IMMP2L: variants seen among roughly 807,000 people sequenced by gnomAD.
IMMP2L encodes inner mitochondrial membrane peptidase subunit 2, also known as mitochondrial inner membrane protease subunit 2.
In IMMP2L, 18 loss-of-function variants were observed where a neutral mutation model predicts 19.3. The observed-to-expected ratio is 0.93, with a 90% CI of 0.64 to 1.38. The LOEUF (loss-of-function observed/expected upper bound fraction) is 1.38, where lower values mean the gene tolerates loss of function less well. Ranked by LOEUF, IMMP2L falls within the 40% of genes most tolerant of loss-of-function variation. The pLI is 0.00. For synonymous variants in IMMP2L, 76 were observed against 73.0 expected (o/e 1.04, Z -0.21); for missense variants, 233 against 218.2 (o/e 1.07, Z -0.43).
chr7:111,222,645 A>T (rs1812643980), intron 3 of IMMP2L, among the ~76,000 whole-genome samples: 1 of 152,196 alleles, frequency 6.6e-6, no homozygotes, highest in East Asian at 1.9e-4. Flanking sequence ...ATTAAAATTT[A>T]CAATCGAACA....
intron 3 of IMMP2L, among the ~76,000 whole-genome samples, chr7:111,195,636 G>T (rs1450255304): frequency 6.6e-6 from 1 of 151,928 alleles, no homozygotes; most frequent in Non-Finnish European, 1.5e-5. Flanking sequence ...CTGTCTTCAG[G>T]ATGCTTTATA....
intron 3 of IMMP2L, among the ~76,000 whole-genome samples, chr7:111,377,233 C>G (rs1830751613): frequency 6.6e-6 from 1 of 151,556 alleles, no homozygotes. Flanking sequence ...CTTTCCTTTC[C>G]ATTTCATATG....
At chr7:111,518,037 C>A (rs915952249) in intron 2 of IMMP2L, among the ~76,000 whole-genome samples, 2 of 151,922 alleles carry the variant, frequency 1.3e-5, no homozygotes, top group Non-Finnish European at 2.9e-5. Context: ...TCATTAGAAA[C>A]TTTATTTTTT....
chr7:111,140,086 C>A (rs573759733), intron 3 of IMMP2L, among the ~76,000 whole-genome samples: 137 of 151,904 alleles, frequency 9.0e-4, no homozygotes, highest in African/African-American at 3.3e-3. Flanking sequence ...ATTAAGGAAA[C>A]CAACTAAAAA....
chr7:110,958,798 T>C (rs1356837598), intron 4 of IMMP2L, among the ~76,000 whole-genome samples: 1 of 151,978 alleles, frequency 6.6e-6, no homozygotes, highest in Non-Finnish European at 1.5e-5. Context: ...TCTCAGGTAA[T>C]TCAGACATGA....
intron 3 of IMMP2L, among the ~76,000 whole-genome samples, chr7:111,178,962 C>A (rs1201696778): frequency 6.6e-6 from 1 of 151,946 alleles, no homozygotes; most frequent in Non-Finnish European, 1.5e-5. Flanking sequence ...TGACTCCCTT[C>A]CAGGTTTTCA....
intron 5 of IMMP2L, among the ~76,000 whole-genome samples, chr7:110,831,657 C>A (rs540975318): frequency 6.6e-6 from 1 of 152,094 alleles, no homozygotes; most frequent in Non-Finnish European, 1.5e-5. Flanking sequence ...TGAGAGGTTA[C>A]AAATATTTCA....
At chr7:110,782,077 T>A (rs1465878231) in intron 5 of IMMP2L, among the ~76,000 whole-genome samples, 1 of 151,916 alleles carries the variant, frequency 6.6e-6, no homozygotes, top group Non-Finnish European at 1.5e-5. Flanking sequence ...GTCAGCCCAA[T>A]AAACACCTGG....
chr7:111,439,117 T>C (rs1837470900), intron 3 of IMMP2L, among the ~76,000 whole-genome samples: 1 of 151,890 alleles, frequency 6.6e-6, no homozygotes, highest in Non-Finnish European at 1.5e-5. Context: ...TTCTGTCTTA[T>C]ACCCCAGCAT....
At chr7:111,163,404 A>G (rs546917821) in intron 3 of IMMP2L, among the ~76,000 whole-genome samples, 1 of 152,206 alleles carries the variant, frequency 6.6e-6, no homozygotes, top group South Asian at 2.1e-4. Flanking sequence ...TCACTTCCCT[A>G]CTGCAACTAT....
At chr7:111,380,691 A>C (rs1831114432) in intron 3 of IMMP2L, among the ~76,000 whole-genome samples, 1 of 152,036 alleles carries the variant, frequency 6.6e-6, no homozygotes, top group Non-Finnish European at 1.5e-5. Flanking sequence ...TTTCACAATA[A>C]ATAGTCACAG....
At chr7:110,706,922 G>C (rs971887281) in intron 5 of IMMP2L, among the ~76,000 whole-genome samples, 3 of 151,336 alleles carry the variant, frequency 2.0e-5, no homozygotes, top group African/African-American at 7.3e-5. Context: ...CTTTCCCAAG[G>C]TTGATACCCA....
rs1220848847 is a variant in IMMP2L, at chr7:111,005,712, T to C, written c.240-42147A>G. ...TAATTGAACAGTTACTGAAAGAATCTGATTCCTTTTATGAGGTTTTGATTT... is the reference window on the plus strand; with the variant it reads ...TAATTGAACAGTTACTGAAAGAATCCGATTCCTTTTATGAGGTTTTGATTT... On this transcript the variant is annotated intron_variant, in intron 3 of 5. Coordinates refer to ENST00000405709, the MANE Select transcript of IMMP2L (RefSeq NM_032549.4). Among the ~76,000 whole-genome samples, 3 of 152,218 alleles carry C rather than the reference T, an allele frequency of 2.0e-5. No individual in the cohort carries two copies. The East Asian group carries it at 5.8e-4, about 29-fold the overall frequency.
intron 3 of IMMP2L, among the ~76,000 whole-genome samples, chr7:110,981,888 A>G (rs1293192179): frequency 6.6e-6 from 1 of 152,166 alleles, no homozygotes; most frequent in East Asian, 1.9e-4. Context: ...AAGAGTCAAG[A>G]CAAGTGTCTT....
At chr7:110,834,956 G>A (rs909495481) in intron 5 of IMMP2L, among the ~76,000 whole-genome samples, 2 of 152,246 alleles carry the variant, frequency 1.3e-5, no homozygotes, top group East Asian at 3.9e-4. Flanking sequence ...CAGAAGAATG[G>A]ATGCCAGGTA....
chr7:111,299,184 C>G (rs758359129), intron 3 of IMMP2L, among the ~76,000 whole-genome samples: 13 of 152,084 alleles, frequency 8.5e-5, no homozygotes, highest in Non-Finnish European at 1.8e-4. Context: ...AAAACACACA[C>G]AGACAAATGC....
chr7:110,713,368 G>A (rs1233767260), intron 5 of IMMP2L, among the ~76,000 whole-genome samples: 2 of 152,146 alleles, frequency 1.3e-5, no homozygotes, highest in Non-Finnish European at 2.9e-5. Context: ...TGTTCTTACA[G>A]CTTGGGATTG....
intron 5 of IMMP2L, among the ~76,000 whole-genome samples, chr7:110,832,621 C>A (rs1584965811): frequency 6.6e-6 from 1 of 152,042 alleles, no homozygotes; most frequent in Non-Finnish European, 1.5e-5. Flanking sequence ...CTACCCAGAA[C>A]TGAATTTAAG....
intron 5 of IMMP2L, among the ~76,000 whole-genome samples, chr7:110,694,517 A>G (rs896655814): frequency 3.3e-5 from 5 of 152,206 alleles, no homozygotes; most frequent in African/African-American, 1.2e-4. Context: ...GACACAGTCT[A>G]AGTTCTGACA....
Sources: gnomAD v4.1 joint callset for allele counts (sites outside exome capture counted in the v4.1 genomes callset) on GRCh38, gnomAD v4.1.1 for gene constraint, MANE v1.5 for transcripts, NCBI Gene and HGNC (gene_info 2026-07-23, HGNC 2026-07-21) for gene names.